Variants in RBMS3 observed in about 807,000 individuals in gnomAD.
RBMS3 encodes RNA binding motif single stranded interacting protein 3, also known as RNA-binding motif, single-stranded-interacting protein 3.
A neutral mutation model predicts 66.8 loss-of-function variants in RBMS3; 27 were observed. That is an observed-to-expected ratio of 0.40 (90% CI 0.30 to 0.56). The LOEUF (loss-of-function observed/expected upper bound fraction) is 0.56. Among genes scored for constraint, RBMS3 ranks in the 20% least tolerant of loss-of-function variants. The probability of loss-of-function intolerance (pLI) is 0.40; values close to 1 mark genes in which losing one functional copy is unlikely to be tolerated. For missense variants in RBMS3, 513 were observed against 549.5 expected, an observed-to-expected ratio of 0.93 and a Z score of 0.66; for synonymous variants, 188 against 183.0, an observed-to-expected ratio of 1.03 and a Z score of -0.22.
intron 14 of RBMS3, among the ~76,000 whole-genome samples, chr3:29,997,653 G>A (rs372582689): frequency 2.0e-5 from 3 of 151,446 alleles, no homozygotes; most frequent in Non-Finnish European, 4.4e-5. Flanking sequence ...TATAAACAGA[G>A]CCAAAGACAA....
At chr3:29,425,477 CA>C (rs397875330) in intron 1 of RBMS3, among the ~76,000 whole-genome samples, 277 of 144,210 alleles carry the variant, frequency 1.9e-3, no homozygotes, top group African/African-American at 5.3e-3. Context: ...ACTAAAAATA[CA>C]AAAAAAAAAA....
intron 2 of RBMS3, among the ~76,000 whole-genome samples, chr3:29,452,997 A>T (rs1450910466): frequency 1.3e-5 from 2 of 152,192 alleles, no homozygotes; most frequent in Non-Finnish European, 2.9e-5. Context: ...GGACGTATAG[A>T]ACCTAATACT....
intron 3 of RBMS3, among the ~76,000 whole-genome samples, chr3:29,546,662 A>T (rs551048877): frequency 2.0e-5 from 3 of 152,218 alleles, no homozygotes; most frequent in Non-Finnish European, 4.4e-5. Context: ...CTAGTAGCAC[A>T]GTGGGGATGC....
intron 12 of RBMS3, among the ~76,000 whole-genome samples, chr3:29,975,126 T>G (rs1174730094): frequency 6.9e-6 from 1 of 145,636 alleles, no homozygotes; most frequent in Non-Finnish European, 1.5e-5. Context: ...TAAAATACGT[T>G]TATATATTTA....
intron 4 of RBMS3, among the ~76,000 whole-genome samples, chr3:29,714,733 C>A (rs2053317212): frequency 7.4e-6 from 1 of 135,016 alleles, no homozygotes; most frequent in Admixed American, 7.8e-5. Flanking sequence ...TCCACAGATG[C>A]ATGTGCACAC....
chr3:29,520,372 G>A (rs767292622), intron 3 of RBMS3, among the ~76,000 whole-genome samples: 1 of 151,902 alleles, frequency 6.6e-6, no homozygotes, highest in South Asian at 2.1e-4. Flanking sequence ...CTAAAAATTC[G>A]GATACTAGAA....
intron 1 of RBMS3, among the ~76,000 whole-genome samples, chr3:29,348,960 T>A (rs1165404728): frequency 1.3e-5 from 2 of 152,184 alleles, no homozygotes; most frequent in Non-Finnish European, 2.9e-5. Flanking sequence ...CTTCAACTGC[T>A]GGTTCTCATT....
intron 4 of RBMS3, among the ~76,000 whole-genome samples, chr3:29,680,925 C>A (rs1331392793): frequency 1.3e-5 from 2 of 152,132 alleles, no homozygotes; most frequent in Admixed American, 1.3e-4. Context: ...ATGTATTTAC[C>A]TGTGTAACTT....
chr3:29,498,790 G>A (rs752131997), intron 3 of RBMS3, among the ~76,000 whole-genome samples: 1 of 152,110 alleles, frequency 6.6e-6, no homozygotes, highest in Non-Finnish European at 1.5e-5. Flanking sequence ...TACCTTCTAG[G>A]AACCAACTTG....
At chr3:29,470,856 T>C (rs2042700811) in intron 2 of RBMS3, among the ~76,000 whole-genome samples, 1 of 131,798 alleles carries the variant, frequency 7.6e-6, no homozygotes, top group Non-Finnish European at 1.6e-5. Context: ...CAAATAAATT[T>C]AATAACTAAT....
At chr3:29,764,595 A>C (rs1342240639) in intron 6 of RBMS3, among the ~76,000 whole-genome samples, 3 of 152,038 alleles carry the variant, frequency 2.0e-5, no homozygotes, top group African/African-American at 4.8e-5. Context: ...TGAATGATTC[A>C]AGTTTTAGCA....
intron 1 of RBMS3, among the ~76,000 whole-genome samples, chr3:29,408,359 T>C (rs908867076): frequency 7.2e-5 from 11 of 152,084 alleles, no homozygotes; most frequent in African/African-American, 2.7e-4. Context: ...AGATCTCTTT[T>C]GACTTAAGTT....
At chr3:29,514,427 T>C (rs1372304736) in intron 3 of RBMS3, among the ~76,000 whole-genome samples, 6 of 151,966 alleles carry the variant, frequency 3.9e-5, no homozygotes, top group Non-Finnish European at 7.4e-5. Context: ...ATTTAACATC[T>C]GCAACACATA....
At chr3:29,761,576 G>T (rs900045962) in intron 5 of RBMS3, among the ~76,000 whole-genome samples, 1 of 151,974 alleles carries the variant, frequency 6.6e-6, no homozygotes, top group African/African-American at 2.4e-5. Context: ...TCTCACTTCT[G>T]GGATTCCTCT....
chr3:29,748,862 G>A (rs1199795160), intron 5 of RBMS3, among the ~76,000 whole-genome samples: 1 of 152,196 alleles, frequency 6.6e-6, no homozygotes, highest in East Asian at 1.9e-4. Context: ...ACTCAGGTGG[G>A]CGTGTGGGGA....
intron 4 of RBMS3, among the ~76,000 whole-genome samples, chr3:29,695,828 A>G (rs190100247): frequency 2.0e-4 from 30 of 152,298 alleles, no homozygotes; most frequent in Middle Eastern, 3.4e-3. Flanking sequence ...TCCCAAGCTT[A>G]ATTTTAGCCA....
At chr3:29,996,309 A>T (rs1382584478) in intron 14 of RBMS3, among the ~76,000 whole-genome samples, 1 of 151,270 alleles carries the variant, frequency 6.6e-6, no homozygotes, top group Non-Finnish European at 1.5e-5. Context: ...ACTCCCACAC[A>T]TTAATAATGG....
intron 1 of RBMS3, among the ~76,000 whole-genome samples, chr3:29,330,221 G>A (rs144062794): frequency 1.9e-4 from 29 of 152,096 alleles, no homozygotes; most frequent in Non-Finnish European, 3.4e-4. Context: ...GTGGGATTGC[G>A]GTCTCTATTT....
At chr3:29,710,571 C>G (rs1009900628) in intron 4 of RBMS3, among the ~76,000 whole-genome samples, 3 of 152,112 alleles carry the variant, frequency 2.0e-5, no homozygotes, top group Non-Finnish European at 4.4e-5. Flanking sequence ...ATATACTGAA[C>G]GTTTATGGGT....
Sources: allele counts gnomAD v4.1 joint callset (sites outside exome capture counted in the v4.1 genomes callset), GRCh38; gene constraint gnomAD v4.1.1; transcripts MANE v1.5; gene names NCBI Gene and HGNC (gene_info 2026-07-23, HGNC 2026-07-21).